The following SLC9A9 variants were observed in gnomAD, a reference collection of about 807,000 sequenced individuals.
SLC9A9 encodes sodium/hydrogen exchanger 9.
Under a neutral mutation model 77.8 loss-of-function variants are expected in SLC9A9, and 62 were observed. The ratio of observed to expected loss-of-function variants is 0.80; its 90% confidence interval spans 0.65 to 0.98. The LOEUF is 0.98. Ranked by LOEUF, SLC9A9 falls within the 50% of genes least tolerant of loss-of-function variation. SLC9A9 has a pLI of 0.00. For missense variants in SLC9A9, 775 were observed against 774.9 expected (o/e 1.00, Z 0.00); for synonymous variants, 320 against 283.5 (o/e 1.13, Z -1.29).
At chr3:143,548,761 C>A (rs2036832570) in intron 9 of SLC9A9, among the ~76,000 whole-genome samples, 1 of 152,228 alleles carries the variant, frequency 6.6e-6, no homozygotes, top group East Asian at 1.9e-4. Flanking sequence ...ATGGACAAAA[C>A]ATATCTTAAA....
At chr3:143,705,869 G>A (rs1486345910) in intron 4 of SLC9A9, among the ~76,000 whole-genome samples, 1 of 152,178 alleles carries the variant, frequency 6.6e-6, no homozygotes, top group African/African-American at 2.4e-5. Context: ...GAATGCAAAG[G>A]TGAATCAGAC....
intron 4 of SLC9A9, among the ~76,000 whole-genome samples, chr3:143,729,480 G>A (rs1934747395): frequency 6.6e-6 from 1 of 152,162 alleles, no homozygotes; most frequent in South Asian, 2.1e-4. Flanking sequence ...CTGTCCACAT[G>A]TCTGTCTCCT....
chr3:143,523,258 G>A (rs2036348053), intron 9 of SLC9A9, among the ~76,000 whole-genome samples: 1 of 152,018 alleles, frequency 6.6e-6, no homozygotes, highest in Non-Finnish European at 1.5e-5. Context: ...GCTTAGCTTT[G>A]CTTTCAAAGT....
At chr3:143,315,984 C>T (rs2108441545) in intron 14 of SLC9A9, among the ~76,000 whole-genome samples, 1 of 152,294 alleles carries the variant, frequency 6.6e-6, no homozygotes, top group East Asian at 1.9e-4. Context: ...ACACCAAAGT[C>T]CTCTTGCCCA....
chr3:143,657,734 T>G (rs1035935971), intron 5 of SLC9A9, among the ~76,000 whole-genome samples: 6 of 152,226 alleles, frequency 3.9e-5, no homozygotes, highest in Admixed American at 2.6e-4. Context: ...TTTTTTGTTT[T>G]GGAAAATAAA....
At chr3:143,800,577 T>A (rs2008523568) in intron 2 of SLC9A9, among the ~76,000 whole-genome samples, 1 of 152,190 alleles carries the variant, frequency 6.6e-6, no homozygotes, top group Non-Finnish European at 1.5e-5. Context: ...CTTATCCCAG[T>A]CTCTCTTTGC....
chr3:143,606,436 CTATATATATATATA>C (rs60773685), intron 6 of SLC9A9, among the ~76,000 whole-genome samples: 4 of 54,188 alleles, frequency 7.4e-5, no homozygotes, highest in Admixed American at 5.0e-4. Context: ...CTCTCTCTCT[CTATATATATATATA>C]TATATATATA....
intron 6 of SLC9A9, among the ~76,000 whole-genome samples, chr3:143,640,197 A>G (rs1247576474): frequency 6.6e-6 from 1 of 151,526 alleles, no homozygotes; most frequent in African/African-American, 2.4e-5. Flanking sequence ...AATTTTTTGT[A>G]TTTTTAGTAG....
intron 4 of SLC9A9, among the ~76,000 whole-genome samples, chr3:143,719,928 C>A (rs1373350086): frequency 6.6e-6 from 1 of 152,234 alleles, no homozygotes; most frequent in South Asian, 2.1e-4. Context: ...TCCTGGAAAA[C>A]TGCTCCCACG....
At chr3:143,836,131 T>C (rs1215566603) in intron 1 of SLC9A9, among the ~76,000 whole-genome samples, 1 of 152,210 alleles carries the variant, frequency 6.6e-6, no homozygotes, top group Non-Finnish European at 1.5e-5. Context: ...AATGTCCCTC[T>C]TAAGTCCCAC....
chr3:143,699,405 TA>T (rs1214524933), intron 4 of SLC9A9, among the ~76,000 whole-genome samples: 1 of 152,054 alleles, frequency 6.6e-6, no homozygotes, highest in Non-Finnish European at 1.5e-5. Context: ...TTCATATAGC[TA>T]AAAGAGGTAC....
intron 1 of SLC9A9, among the ~76,000 whole-genome samples, chr3:143,841,218 A>G (rs2009698794): frequency 1.3e-5 from 2 of 152,138 alleles, no homozygotes; most frequent in Non-Finnish European, 2.9e-5. Flanking sequence ...GCACACACAC[A>G]CACAAACACA....
chr3:143,643,742 AATATGGTTGTTATTATTCTT>A (rs1198220425), intron 6 of SLC9A9, among the ~76,000 whole-genome samples: 1 of 152,136 alleles, frequency 6.6e-6, no homozygotes, highest in Non-Finnish European at 1.5e-5. Context: ...AGGATCATGA[AATATGGTTGTTATTATTCTT>A]ACTTGTCCTC....
intron 6 of SLC9A9, among the ~76,000 whole-genome samples, chr3:143,632,247 A>G (rs1252239508): frequency 6.6e-6 from 1 of 152,162 alleles, no homozygotes. Flanking sequence ...ATTTGGAGGC[A>G]GATGACTTAG....
rs74673267 is a variant in SLC9A9 at position 143,372,397 on chromosome 3, T to G, written c.1525-8834A>C. On this transcript the variant is annotated intron_variant, in intron 13 of 15. Coordinates refer to ENST00000316549, the MANE Select transcript of SLC9A9 (RefSeq NM_173653.4). Reference sequence around the variant, plus strand: ...ACCAATGGAATGGTCTAAATGGTGCTGGGAAAATTGGATAGCCACATGTAG... The same window carrying G: ...ACCAATGGAATGGTCTAAATGGTGCGGGGAAAATTGGATAGCCACATGTAG... Among the ~76,000 whole-genome samples, 170 of 152,102 alleles carry G rather than the reference T, an allele frequency of 1.1e-3. 1 individual carries two copies. The highest frequency in any genetic ancestry group is 3.9e-3 in the African/African-American group (164 of 41,542).
intron 4 of SLC9A9, among the ~76,000 whole-genome samples, chr3:143,789,463 G>A (rs1337787974): frequency 2.0e-5 from 3 of 152,084 alleles, no homozygotes; most frequent in African/African-American, 4.8e-5. Context: ...ACTCTTCCCT[G>A]GGTTAGAAAC....
chr3:143,429,394 T>C (rs1220719981), intron 12 of SLC9A9, among the ~76,000 whole-genome samples: 1 of 152,146 alleles, frequency 6.6e-6, no homozygotes, highest in East Asian at 1.9e-4. Flanking sequence ...GATGTCATAA[T>C]AGGACTGTGT....
At chr3:143,810,329 T>G (rs1434553806) in intron 2 of SLC9A9, among the ~76,000 whole-genome samples, 1 of 152,240 alleles carries the variant, frequency 6.6e-6, no homozygotes, top group Non-Finnish European at 1.5e-5. Context: ...ATATGACTTA[T>G]CTGGGAAGAA....
chr3:143,421,931 C>A (rs1203005241), intron 12 of SLC9A9, among the ~76,000 whole-genome samples: 1 of 152,112 alleles, frequency 6.6e-6, no homozygotes, highest in African/African-American at 2.4e-5. Context: ...GGACAAAAGG[C>A]ATGAACAGAA....
Sources: allele counts gnomAD v4.1 joint callset (sites outside exome capture counted in the v4.1 genomes callset), GRCh38; gene constraint gnomAD v4.1.1; transcripts MANE v1.5; gene names NCBI Gene and HGNC (gene_info 2026-07-23, HGNC 2026-07-21).